NCOR2: variants seen among roughly 807,000 people sequenced by gnomAD.
The protein encoded by NCOR2 is CTG repeat protein 26.
In NCOR2, 81 loss-of-function variants were observed where a neutral mutation model predicts 262.9. The ratio of observed to expected loss-of-function variants is 0.31; its 90% confidence interval spans 0.26 to 0.37. The LOEUF (loss-of-function observed/expected upper bound fraction) is 0.37, where lower values mean the gene tolerates loss of function less well. Among genes scored for constraint, NCOR2 ranks in the 10% least tolerant of loss-of-function variants. The pLI is 1.00. For synonymous variants in NCOR2, 1,659 were observed against 1,559.3 expected, an observed-to-expected ratio of 1.06 and a Z score of -1.51; for missense variants, 3,385 against 3,621.4, an observed-to-expected ratio of 0.93 and a Z score of 1.68.
At chr12:124,474,182 T>C (rs750350800) in intron 3 of NCOR2, among the ~76,000 whole-genome samples, 4 of 152,178 alleles carry the variant, frequency 2.6e-5, no homozygotes, top group Non-Finnish European at 4.4e-5. Context: ...CATTCATCCA[T>C]GAAGCTCAGT....
chr12:124,512,275 G>A (rs1198141039), intron 1 of NCOR2, among the ~76,000 whole-genome samples: 7 of 152,230 alleles, frequency 4.6e-5, no homozygotes, highest in Non-Finnish European at 1.0e-4. Context: ...GGCGTCAGCA[G>A]GACCCTACTC....
chr12:124,372,698 C>T (rs1224726715), intron 19 of NCOR2, 88 bp from the exon 22 acceptor site: 22 of 1,192,758 alleles, frequency 1.8e-5, no homozygotes, highest in South Asian at 4.2e-5. Flanking sequence ...CGGATGAGGC[C>T]GCTCTGTCGC....
intron 1 of NCOR2, among the ~76,000 whole-genome samples, chr12:124,542,072 A>G (rs2051384053): frequency 6.6e-6 from 1 of 151,824 alleles, no homozygotes; most frequent in African/African-American, 2.4e-5. Context: ...TGAGGGCTCC[A>G]TGGAGGCATC....
chr12:124,520,079 G>A (rs996594262), intron 1 of NCOR2, among the ~76,000 whole-genome samples: 2 of 152,232 alleles, frequency 1.3e-5, no homozygotes, highest in African/African-American at 4.8e-5. Flanking sequence ...ACGAGGGGAT[G>A]AGCATAGTGG....
At chr12:124,477,506 G>C (rs1565979403) in intron 3 of NCOR2, among the ~76,000 whole-genome samples, 4 of 152,210 alleles carry the variant, frequency 2.6e-5, no homozygotes, top group Admixed American at 2.6e-4. Context: ...AATGAGTATG[G>C]GGGTCTCCTT....
At chr12:124,478,475 C>T (rs981288608) in intron 3 of NCOR2, among the ~76,000 whole-genome samples, 8 of 152,282 alleles carry the variant, frequency 5.3e-5, no homozygotes, top group South Asian at 4.1e-4. Flanking sequence ...AACAGGAACA[C>T]GGTGGGGCAG....
At chr12:124,427,734 GTAT>G (rs1439494775) in intron 10 of NCOR2, among the ~76,000 whole-genome samples, 1 of 152,188 alleles carries the variant, frequency 6.6e-6, no homozygotes, top group African/African-American at 2.4e-5. Context: ...CCTTCCTCGG[GTAT>G]CCCAGGGATG....
chr12:124,552,890 C>T (rs1485639490), intron 1 of NCOR2, among the ~76,000 whole-genome samples: 1 of 152,110 alleles, frequency 6.6e-6, no homozygotes, highest in Non-Finnish European at 1.5e-5. Context: ...CCACTGTGTT[C>T]CCCAGGCTGG....
Position 124,531,585 on chromosome 12 carries a change from G to A in NCOR2, c.-118+3980C>T, listed in dbSNP as rs1008052820. Among the ~76,000 whole-genome samples the A allele has an allele frequency of 4.6e-5, 7 of 151,994 alleles. No individual in the cohort carries two copies. Among genetic ancestry groups the A allele is most frequent in the African/African-American group, 1.7e-4 (7 of 41,388 alleles). On this transcript the variant is annotated intron_variant, in intron 1 of 46. Coordinates refer to the NCOR2 transcript ENST00000404621. This position sits in a 1 kb window ranked among gnomAD's most constrained non-coding sequence, Gnocchi z 4.5. ...GCCCAGGGCTGAGCATCCAGGCTGG[G>A]AAGGAGAGAGAGGAGGATGGCAGAG... is the stretch of plus-strand genomic sequence containing the variant.
upstream of NCOR2, among the ~76,000 whole-genome samples, chr12:124,497,362 C>T (rs150432183): frequency 1.1e-4 from 16 of 152,362 alleles, no homozygotes; most frequent in East Asian, 2.7e-3. The surrounding 1 kb of genome is among the most constrained non-coding windows in gnomAD (Gnocchi z 4.2). Flanking sequence ...TCCACCATCG[C>T]TAAGCTGCGT....
At chr12:124,491,570 C>T (rs758884508) in intron 1 of NCOR2, among the ~76,000 whole-genome samples, 4 of 152,218 alleles carry the variant, frequency 2.6e-5, no homozygotes, top group Non-Finnish European at 4.4e-5. Context: ...AAAAGAGTCA[C>T]GCTGGGATTC....
At chr12:124,547,507 T>C (rs534778186) in intron 1 of NCOR2, among the ~76,000 whole-genome samples, 1 of 152,326 alleles carries the variant, frequency 6.6e-6, no homozygotes, top group African/African-American at 2.4e-5. Context: ...ATTTTTCAAA[T>C]GGAGAAGAAA....
chr12:124,520,702 C>T (rs1471885777), intron 1 of NCOR2, among the ~76,000 whole-genome samples: 1 of 152,200 alleles, frequency 6.6e-6, no homozygotes, highest in Non-Finnish European at 1.5e-5. Context: ...GTGGCCAAAA[C>T]CAAACTCATA....
chr12:124,525,397 G>A (rs1036539875), intron 1 of NCOR2, among the ~76,000 whole-genome samples: 8 of 152,194 alleles, frequency 5.3e-5, no homozygotes, highest in African/African-American at 1.9e-4. Flanking sequence ...TATTTCACAG[G>A]CAGCATTTTC....
At chr12:124,390,054 C>T (rs2041179712) in intron 16 of NCOR2, among the ~76,000 whole-genome samples, 1 of 152,208 alleles carries the variant, frequency 6.6e-6, no homozygotes, top group South Asian at 2.1e-4. Flanking sequence ...CTGGAATGTC[C>T]CTGCACCCCC....
At chr12:124,333,913 G>T (rs958915485) in intron 41 of NCOR2, among the ~76,000 whole-genome samples, 16 of 64,630 alleles carry the variant, frequency 2.5e-4, no homozygotes, top group African/African-American at 1.1e-3. Flanking sequence ...CATGTGTGCG[G>T]GTGTGCATGT....
chr12:124,557,297 G>T (rs1389047440), intron 1 of NCOR2, among the ~76,000 whole-genome samples: 1 of 152,242 alleles, frequency 6.6e-6, no homozygotes, highest in African/African-American at 2.4e-5. Context: ...CTTTGTCACA[G>T]TTCGGGAGGC....
chr12:124,348,027 G>A, intron 29 of NCOR2, 116 bp from the exon 32 acceptor site: 1 of 1,452,348 alleles, frequency 6.9e-7, no homozygotes, highest in Non-Finnish European at 9.4e-7. Flanking sequence ...GGTGGAGTAG[G>A]ACCCAGCACG....
At chr12:124,460,038 C>A (rs1246461396) in intron 5 of NCOR2, among the ~76,000 whole-genome samples, 1 of 152,224 alleles carries the variant, frequency 6.6e-6, no homozygotes, top group Non-Finnish European at 1.5e-5. Context: ...GAGGCCTTCC[C>A]TGACCCCCCG....
Sources: gnomAD v4.1 joint callset for allele counts (sites outside exome capture counted in the v4.1 genomes callset) on GRCh38, gnomAD v4.1.1 for gene constraint, Gnocchi (gnomAD v3.1) non-coding constraint, MANE v1.5 for transcripts, NCBI Gene and HGNC (gene_info 2026-07-23, HGNC 2026-07-21) for gene names.